Variants in EPB41L3 observed in about 807,000 individuals in gnomAD.
The protein encoded by EPB41L3 is erythrocyte membrane protein band 4.1 like 3, also known as band 4.1-like protein 3.
In EPB41L3, 57 loss-of-function variants were observed where a neutral mutation model predicts 127.1. The observed-to-expected ratio is 0.45, with a 90% CI of 0.36 to 0.56. EPB41L3 has a LOEUF of 0.56. Ranked by LOEUF, EPB41L3 falls within the 20% of genes least tolerant of loss-of-function variation. The pLI, the probability that EPB41L3 is intolerant of heterozygous loss-of-function variation, is 0.00. For synonymous variants in EPB41L3, 572 were observed against 549.5 expected, an observed-to-expected ratio of 1.04 and a Z score of -0.57; for missense variants, 1,273 against 1,372.2, an observed-to-expected ratio of 0.93 and a Z score of 1.14.
intron 3 of EPB41L3, among the ~76,000 whole-genome samples, chr18:5,560,686 A>T (rs1158487930): frequency 6.6e-6 from 1 of 152,098 alleles, no homozygotes; most frequent in Non-Finnish European, 1.5e-5. Flanking sequence ...ACATTTGCAC[A>T]TTTATTGAGA....
At chr18:5,445,370 T>C (rs1255053016) in intron 3 of EPB41L3, 126 bp from the exon 4 acceptor site, 2 of 720,614 alleles carry the variant, frequency 2.8e-6, no homozygotes, top group Non-Finnish European at 4.6e-6. Context: ...ACCAACAGTG[T>C]GATCACATTG....
intron 5 of EPB41L3, among the ~76,000 whole-genome samples, chr18:5,442,392 TATAA>T (rs962507546): frequency 3.3e-5 from 5 of 152,198 alleles, no homozygotes; most frequent in African/African-American, 1.2e-4. Flanking sequence ...GTCTTAATTG[TATAA>T]ATAATCACCC....
chr18:5,593,930 T>C (rs10163848), intron 3 of EPB41L3, among the ~76,000 whole-genome samples: 1,789 of 152,322 alleles, frequency 0.012, 24 homozygotes, highest in African/African-American at 0.035. Context: ...GTTCCCTGAA[T>C]ATTGCTGTTA....
intron 2 of EPB41L3, among the ~76,000 whole-genome samples, chr18:5,487,089 CA>C (rs1267106381): frequency 6.6e-6 from 1 of 152,204 alleles, no homozygotes; most frequent in East Asian, 1.9e-4. Flanking sequence ...TGCCCATCAA[CA>C]GAAGAATGAA....
intron 1 of EPB41L3, among the ~76,000 whole-genome samples, chr18:5,524,019 T>G (rs2093116928): frequency 6.6e-6 from 1 of 152,172 alleles, no homozygotes; most frequent in African/African-American, 2.4e-5. Context: ...ATGTGTGTGT[T>G]AGGGGTGCCC....
intron 1 of EPB41L3, among the ~76,000 whole-genome samples, chr18:5,536,487 A>G (rs2148992730): frequency 6.7e-6 from 1 of 149,390 alleles, no homozygotes; most frequent in Middle Eastern, 3.4e-3. Flanking sequence ...CTCCTCCGAG[A>G]CATACTGTTA....
At chr18:5,443,937 G>A (rs1026959780) in intron 4 of EPB41L3, 57 bp from the exon 5 acceptor site, 9 of 1,441,742 alleles carry the variant, frequency 6.2e-6, no homozygotes, top group Non-Finnish European at 8.7e-6. Context: ...ATGACTTAAT[G>A]TTGATTAGGT....
intron 3 of EPB41L3, among the ~76,000 whole-genome samples, chr18:5,612,062 G>A (rs562125714): frequency 3.1e-4 from 47 of 150,386 alleles, no homozygotes; most frequent in African/African-American, 1.1e-3. Context: ...TAAATTTTAT[G>A]ACACTTGTAT....
rs546586667 is a variant in EPB41L3, at chr18:5,406,673, G to C, written c.2349+104C>G. The stretch of plus-strand genomic sequence containing the variant: ...AGCTCAGGTTAAACATAGGTAGGAA[G>C]AGAGATTTTCTACCCAGAAGACTGT... On this transcript the variant is annotated intron_variant, in intron 16 of 22. Coordinates refer to ENST00000341928, the MANE Select transcript of EPB41L3 (RefSeq NM_012307.5). 1.3e-5 allele frequency: 14 copies of C among 1,039,726 alleles called. No homozygotes were observed. The East Asian group carries it at 3.5e-4, about 26-fold the overall frequency. 64.4% of individuals were successfully genotyped at this position (1,039,726 alleles called of 1,614,324 possible). A position where few individuals can be genotyped will look rare whatever the true frequency, so the allele number is the denominator to read the frequency against.
At chr18:5,523,785 A>T (rs1226002486) in intron 1 of EPB41L3, among the ~76,000 whole-genome samples, 4 of 150,114 alleles carry the variant, frequency 2.7e-5, no homozygotes, top group Non-Finnish European at 4.4e-5. Context: ...AACTCTGTTT[A>T]AAAAAAAAAT....
intron 3 of EPB41L3, among the ~76,000 whole-genome samples, chr18:5,471,677 T>A (rs2086169194): frequency 6.6e-6 from 1 of 152,028 alleles, no homozygotes; most frequent in Non-Finnish European, 1.5e-5. Context: ...TACCTGTGAG[T>A]CCCTCTGCCT....
In EPB41L3 at chr18:5,400,660, G is replaced by A. The variant is rs762877717; in HGVS notation, c.2350-2517C>T. On this transcript the variant is annotated intron_variant, in intron 16 of 22. Coordinates refer to ENST00000341928, the MANE Select transcript of EPB41L3 (RefSeq NM_012307.5). The stretch of plus-strand genomic sequence containing the variant: ...CAGTCAACTTCATCTAAATTAGCAC[G>A]ACTCTACAGGTAAAAACAGGCAGTA... The A allele has an allele frequency of 1.7e-5, 8 of 480,100 alleles. No individual in the cohort carries two copies. The East Asian group carries it at 2.9e-4, about 17-fold the overall frequency. 29.7% of individuals were successfully genotyped at this position (480,100 alleles called of 1,614,324 possible). A position where few individuals can be genotyped will look rare whatever the true frequency, so the allele number is the denominator to read the frequency against.
chr18:5,430,800 G>C (rs935164255), intron 8 of EPB41L3, among the ~76,000 whole-genome samples: 1 of 151,600 alleles, frequency 6.6e-6, no homozygotes, highest in African/African-American at 2.4e-5. Flanking sequence ...CTGGGCTCAA[G>C]CAATCCCCCT....
intron 21 of EPB41L3, 79 bp from the exon 22 acceptor site, chr18:5,394,872 T>C (rs1250179159): frequency 2.9e-6 from 4 of 1,355,986 alleles, no homozygotes; most frequent in African/African-American, 1.4e-5. Flanking sequence ...TGGAGACTTA[T>C]GAGCTAGATC....
intron 1 of EPB41L3, among the ~76,000 whole-genome samples, chr18:5,626,311 A>G (rs1019614249): frequency 6.6e-6 from 1 of 152,194 alleles, no homozygotes; most frequent in African/African-American, 2.4e-5. Flanking sequence ...CTGCATGAAA[A>G]CAAAACAAAT....
rs140662824 is a variant in EPB41L3, at chr18:5,397,267, C to T, written c.2632G>A (p.Gly878Arg). The change falls in exon 18 of 23, where the codon GGG becomes AGG. Residue 878 changes from glycine to arginine, a missense_variant. Physicochemically the swap from Gly to Arg is moderately radical, Grantham distance 125 (BLOSUM62 -2). Coordinates refer to ENST00000341928, the MANE Select transcript of EPB41L3 (RefSeq NM_012307.5). The surrounding 1 kb of genome is among the most constrained non-coding windows in gnomAD (Gnocchi z 4.1). ...AATGCGGGCTGTGCTGCAGCATCCC[C>T]GCTGTCTCCCGCCGAGTAAGAAGCA... is the stretch of plus-strand genomic sequence containing the variant. Reference protein sequence around the residue: ...GDASYSAGDSGDAAAQPAFTG... With the variant: ...GDASYSAGDSRDAAAQPAFTG... 2.5e-5 allele frequency: 41 copies of T among 1,614,096 alleles called. No homozygotes were observed. The highest frequency in any genetic ancestry group is 4.0e-5 in the African/African-American group (3 of 75,028).
Position 5,588,458 on chromosome 18 carries a change from A to T in EPB41L3, c.-306+23882T>A, listed in dbSNP as rs544751745. On this transcript the variant is annotated intron_variant, in intron 3 of 21. Transcript: ENST00000545076. ...TACATATTAAACACAATACATATTT[A>T]AAAATATTTTAAATGTCATATATAT... is the stretch of plus-strand genomic sequence containing the variant. 1.6e-4 allele frequency among the ~76,000 whole-genome samples: 24 copies of T among 152,126 alleles called. 1 individual carries two copies. Among genetic ancestry groups the T allele is most frequent in the East Asian group, 1.3e-3 (7 of 5,186 alleles).
intron 1 of EPB41L3, among the ~76,000 whole-genome samples, chr18:5,532,911 A>G (rs1451861474): frequency 6.6e-6 from 1 of 152,180 alleles, no homozygotes; most frequent in Non-Finnish European, 1.5e-5. Context: ...TCCAACTCTT[A>G]AATAAGAGCA....
intron 3 of EPB41L3, among the ~76,000 whole-genome samples, chr18:5,571,413 A>G (rs2094278939): frequency 6.6e-6 from 1 of 152,172 alleles, no homozygotes; most frequent in African/African-American, 2.4e-5. Flanking sequence ...TTCTGTACCA[A>G]ATGCAAGGCT....
Sources: allele counts gnomAD v4.1 joint callset (sites outside exome capture counted in the v4.1 genomes callset), GRCh38; gene constraint gnomAD v4.1.1; non-coding constraint Gnocchi (gnomAD v3.1); transcripts MANE v1.5; gene names NCBI Gene and HGNC (gene_info 2026-07-23, HGNC 2026-07-21).